DNAH3: variants seen among roughly 807,000 people sequenced by gnomAD.
DNAH3 encodes dynein axonemal heavy chain 3.
Under a neutral mutation model 432.5 loss-of-function variants are expected in DNAH3, and 332 were observed. The observed-to-expected ratio is 0.77, with a 90% CI of 0.70 to 0.84. The LOEUF is 0.84. Ranked by LOEUF, DNAH3 falls within the 40% of genes least tolerant of loss-of-function variation. The probability of loss-of-function intolerance (pLI) is 0.00; values close to 1 mark genes in which losing one functional copy is unlikely to be tolerated. For missense variants in DNAH3, 4,861 were observed against 5,114.0 expected (o/e 0.95, Z 1.51); for synonymous variants, 1,956 against 1,900.2 (o/e 1.03, Z -0.76).
intron 3 of DNAH3, 50 bp from the exon 5 acceptor site, chr16:21,141,422 C>T (rs1313689046): frequency 7.3e-7 from 1 of 1,361,670 alleles, no homozygotes; most frequent in Admixed American, 2.0e-5. Context: ...GGCCTTGGGC[C>T]ATTCTCCGTC....
chr16:20,985,403 A>T (rs200059034), exon 48 of DNAH3: 1 of 1,614,066 alleles, frequency 6.2e-7, no homozygotes, highest in Non-Finnish European at 8.5e-7. Flanking sequence ...ATGAATGTGG[A>T]CAGTTTGGCG....
intron 21 of DNAH3, among the ~76,000 whole-genome samples, chr16:21,072,436 C>G (rs2090823017): frequency 6.6e-6 from 1 of 152,068 alleles, no homozygotes; most frequent in South Asian, 2.1e-4. Flanking sequence ...AATTCATTCT[C>G]CTGCCTCAGC....
Position 20,985,348 on chromosome 16 carries a change from G to A in DNAH3, c.7394C>T (p.Ala2465Val). ...AAGATCTTCTCGCCAGTCATTGCCT[G>A]CGTAGTTCTTGGTGATCTCAATCTG... The change falls in exon 48 of 62, where the codon GCA becomes GTA. Residue 2465 changes from alanine to valine, a missense_variant. By Grantham distance (64) the Ala-to-Val change is moderately conservative (BLOSUM62 0). Coordinates refer to ENST00000261383, the Ensembl canonical transcript of DNAH3. 2 of 1,614,200 alleles carry A rather than the reference G, an allele frequency of 1.2e-6. No homozygotes were observed. The highest frequency in any genetic ancestry group is 2.2e-5 in the South Asian group (2 of 91,078).
intron 12 of DNAH3, among the ~76,000 whole-genome samples, chr16:21,112,473 C>T (rs1011478389): frequency 6.6e-6 from 1 of 152,044 alleles, no homozygotes; most frequent in Non-Finnish European, 1.5e-5. Context: ...AAAGACACGT[C>T]TTACATGGCA....
intron 5 of DNAH3, among the ~76,000 whole-genome samples, chr16:21,138,714 G>T (rs901618968): frequency 1.3e-5 from 2 of 152,040 alleles, no homozygotes; most frequent in Non-Finnish European, 2.9e-5. Flanking sequence ...GGAGGCTGAG[G>T]CAGGAGAATC....
intron 54 of DNAH3, among the ~76,000 whole-genome samples, chr16:20,957,851 A>G (rs913947115): frequency 4.2e-5 from 5 of 119,532 alleles, no homozygotes; most frequent in African/African-American, 1.3e-4. Flanking sequence ...AAAAAAAAAG[A>G]GAATCCCTGA....
chr16:20,964,549 A>G (rs150920213), exon 53 of DNAH3: 2 of 1,614,152 alleles, frequency 1.2e-6, no homozygotes, highest in Middle Eastern at 1.6e-4. Flanking sequence ...CAGCATCCTC[A>G]TGTAGTTGCT....
At chr16:20,939,697 G>C (rs1365086725) in intron 59 of DNAH3, among the ~76,000 whole-genome samples, 1 of 151,958 alleles carries the variant, frequency 6.6e-6, no homozygotes, top group Non-Finnish European at 1.5e-5. Context: ...TGGTCCTCTG[G>C]AATCAGGGCT....
At chr16:20,952,789 GATGTTAATGTCCT>G (rs1354777876) in intron 55 of DNAH3, among the ~76,000 whole-genome samples, 1 of 152,170 alleles carries the variant, frequency 6.6e-6, no homozygotes, top group Admixed American at 6.5e-5. Flanking sequence ...TGTTAAGGAA[GATGTTAATGTCCT>G]GGGATTTGTG....
intron 55 of DNAH3, among the ~76,000 whole-genome samples, chr16:20,954,209 T>C (rs8049372): frequency 0.54 from 72,537 of 134,454 alleles, 18,726 homozygotes; most frequent in South Asian, 0.65. Flanking sequence ...GGTGACAGAG[T>C]GAGACCCTAT....
chr16:21,131,655 G>T (rs1405073033), intron 7 of DNAH3, among the ~76,000 whole-genome samples: 7 of 151,832 alleles, frequency 4.6e-5, no homozygotes, highest in African/African-American at 7.3e-5. Flanking sequence ...TTCGAGACCA[G>T]CCTGACCAAC....
exon 17 of DNAH3, chr16:21,098,755 T>A: frequency 1.2e-6 from 2 of 1,608,612 alleles, no homozygotes; most frequent in Non-Finnish European, 1.7e-6. Flanking sequence ...AAGTCTCAAC[T>A]CAAATTCTGA....
intron 12 of DNAH3, among the ~76,000 whole-genome samples, chr16:21,115,932 T>G (rs1044585799): frequency 6.6e-6 from 1 of 152,100 alleles, no homozygotes; most frequent in Non-Finnish European, 1.5e-5. Flanking sequence ...TGGGGACTTT[T>G]GGCCACACCT....
chr16:21,121,859 C>T lies in DNAH3; in HGVS notation c.1584+86G>A, dbSNP rs1490657329. 7 of 1,181,234 alleles carry T rather than the reference C, an allele frequency of 5.9e-6. No individual in the cohort carries two copies. The African/African-American group carries it at 7.7e-5, about 13-fold the overall frequency. The allele number at this position is 1,181,234 out of a possible 1,614,324, so 73.2% of individuals were successfully genotyped here. A position where few individuals can be genotyped will look rare whatever the true frequency, so the allele number is the denominator to read the frequency against. On this transcript the variant is annotated intron_variant, in intron 10 of 61. Coordinates refer to ENST00000261383, the Ensembl canonical transcript of DNAH3. ...AAGCTCCCTTAACTGAATATCCCAG[C>T]GACCTGACTTGTACAACCTCTTTCA...
exon 53 of DNAH3, chr16:20,963,740 T>C (rs1193183987): frequency 6.2e-7 from 1 of 1,614,080 alleles, no homozygotes; most frequent in South Asian, 1.1e-5. Flanking sequence ...TTCTGTTTCA[T>C]GATGCCGATG....
In DNAH3 at chr16:21,097,514, G is replaced by A; in HGVS notation, c.2521-15C>T. ...TTATTGATCAACTGCAGGGCAAAAG[G>A]AGATGCTGTTTATGGGATGGGTTGT... On this transcript the variant is annotated splice_polypyrimidine_tract_variant and intron_variant, in intron 17 of 61. Coordinates refer to ENST00000261383, the Ensembl canonical transcript of DNAH3. 1 of 1,611,808 alleles carries A rather than the reference G, an allele frequency of 6.2e-7. No individual in the cohort carries two copies. Among genetic ancestry groups the A allele is most frequent in the African/African-American group, 1.3e-5 (1 of 75,028 alleles).
intron 24 of DNAH3, among the ~76,000 whole-genome samples, chr16:21,064,665 T>C (rs2090477943): frequency 6.6e-6 from 1 of 152,190 alleles, no homozygotes; most frequent in African/African-American, 2.4e-5. Flanking sequence ...ATCTCCATCA[T>C]GTGCTATAAT....
At chr16:20,988,210 C>A in intron 44 of DNAH3, 145 bp from the exon 45 acceptor site, 1 of 873,388 alleles carries the variant, frequency 1.1e-6, no homozygotes, top group East Asian at 2.5e-5. Flanking sequence ...CTCTAGCCAC[C>A]TGCAGCAAAT....
exon 53 of DNAH3, chr16:20,964,622 C>A (rs1321267061): frequency 1.2e-6 from 2 of 1,614,198 alleles, no homozygotes; most frequent in East Asian, 2.2e-5. Flanking sequence ...CATTTATTGG[C>A]CTGCCCGTGA....
Sources: gnomAD v4.1 joint callset for allele counts (sites outside exome capture counted in the v4.1 genomes callset) on GRCh38, gnomAD v4.1.1 for gene constraint, MANE v1.5 for transcripts, NCBI Gene and HGNC (gene_info 2026-07-23, HGNC 2026-07-21) for gene names.